Variants in NDFIP2 observed in about 807,000 individuals in gnomAD.
NDFIP2 encodes the protein Nedd4 family interacting protein 2, also known as NEDD4 family-interacting protein 2.
In NDFIP2, 19 loss-of-function variants were observed where a neutral mutation model predicts 36.0. The observed-to-expected ratio is 0.53, with a 90% CI of 0.37 to 0.77. The LOEUF (loss-of-function observed/expected upper bound fraction) is 0.77. Ranked by LOEUF, NDFIP2 falls within the 30% of genes least tolerant of loss-of-function variation. The pLI, the probability that NDFIP2 is intolerant of heterozygous loss-of-function variation, is 0.00. For synonymous variants in NDFIP2, 181 were observed against 167.7 expected (o/e 1.08, Z -0.61); for missense variants, 446 against 435.8 (o/e 1.02, Z -0.21).
intron 1 of NDFIP2, among the ~76,000 whole-genome samples, chr13:79,493,169 T>C (rs1873309573): frequency 6.6e-6 from 1 of 152,216 alleles, no homozygotes; most frequent in Admixed American, 6.5e-5. Flanking sequence ...GGTCCTGTTA[T>C]AGGTGCAAAA....
At chr13:79,510,971 C>G (rs1184335360) in intron 1 of NDFIP2, among the ~76,000 whole-genome samples, 1 of 144,914 alleles carries the variant, frequency 6.9e-6, no homozygotes, top group South Asian at 2.2e-4. Flanking sequence ...TTCACTCAAG[C>G]CTGGGTGACA....
At chr13:79,521,899 A>G (rs1198132753) in intron 2 of NDFIP2, among the ~76,000 whole-genome samples, 2 of 143,548 alleles carry the variant, frequency 1.4e-5, no homozygotes, top group Admixed American at 7.5e-5. Context: ...ATCTCGGCTC[A>G]CTGCAAGCTC....
chr13:79,490,667 G>A (rs756812873), intron 1 of NDFIP2, among the ~76,000 whole-genome samples: 3 of 152,108 alleles, frequency 2.0e-5, no homozygotes, highest in Non-Finnish European at 4.4e-5. Flanking sequence ...GCTTGCTCTA[G>A]TTTGCCCACC....
chr13:79,500,420 T>C (rs1418251127), intron 1 of NDFIP2, among the ~76,000 whole-genome samples: 1 of 152,006 alleles, frequency 6.6e-6, no homozygotes, highest in Non-Finnish European at 1.5e-5. Context: ...AGTCACAGCC[T>C]GGGAGAAAAT....
rs770898625 is a variant in NDFIP2, at chr13:79,540,629, CTTAT to C, written c.715+858_715+861del. ...GATCATAAAACCGAGAAATAATTTA[CTTAT>C]TTAAAGTGCCACATTCAGCTTTAAA... On this transcript the variant is annotated intron_variant, in intron 4 of 7. Coordinates refer to ENST00000218652, the MANE Select transcript of NDFIP2 (RefSeq NM_019080.3). Among the ~76,000 whole-genome samples, 11 of 152,200 alleles carry C rather than the reference CTTAT, an allele frequency of 7.2e-5. 1 individual carries two copies. The South Asian group carries it at 1.7e-3, about 23-fold the overall frequency.
At chr13:79,505,460 G>A (rs1873824675) in intron 1 of NDFIP2, among the ~76,000 whole-genome samples, 1 of 151,810 alleles carries the variant, frequency 6.6e-6, no homozygotes, top group Non-Finnish European at 1.5e-5. Flanking sequence ...CAAGACTTCA[G>A]CTCTACAAAA....
chr13:79,526,986 T>C (rs1413628631), intron 2 of NDFIP2, among the ~76,000 whole-genome samples: 1 of 152,206 alleles, frequency 6.6e-6, no homozygotes, highest in Non-Finnish European at 1.5e-5. Flanking sequence ...ATGTATCTAA[T>C]TCTAAAGTCC....
intron 1 of NDFIP2, among the ~76,000 whole-genome samples, chr13:79,487,039 A>C (rs1247017493): frequency 6.6e-6 from 1 of 152,158 alleles, no homozygotes; most frequent in Non-Finnish European, 1.5e-5. Flanking sequence ...ATAGGCTCTA[A>C]CTTCAAATAA....
intron 1 of NDFIP2, among the ~76,000 whole-genome samples, chr13:79,511,680 A>G (rs1466894788): frequency 1.3e-5 from 2 of 152,204 alleles, no homozygotes; most frequent in Non-Finnish European, 2.9e-5. Flanking sequence ...AGAGGACAGT[A>G]TATTTAATAT....
chr13:79,500,398 A>G (rs548715938), intron 1 of NDFIP2, among the ~76,000 whole-genome samples: 2 of 152,058 alleles, frequency 1.3e-5, no homozygotes, highest in Non-Finnish European at 2.9e-5. Context: ...AGATACTGCC[A>G]AGAAAATAAA....
intron 1 of NDFIP2, among the ~76,000 whole-genome samples, chr13:79,482,173 T>C (rs7332319): frequency 0.069 from 2,898 of 41,848 alleles, 25 homozygotes; most frequent in Admixed American, 0.18. Flanking sequence ...TTCTTTCTTT[T>C]TTTTTTTTTT....
In NDFIP2 at chr13:79,497,159, A is replaced by G. The variant is rs189312154; in HGVS notation, c.321+15635A>G. On this transcript the variant is annotated intron_variant, in intron 1 of 7. Transcript: ENST00000218652. ...GGTTGTTTTGTTTTAGCAGGCAATC[A>G]ACTCCCATAGATTCAGATTGTAAGC... Among the ~76,000 whole-genome samples, 619 of 152,074 alleles carry G rather than the reference A, an allele frequency of 4.1e-3. 7 individuals are homozygous for G. Among genetic ancestry groups the G allele is most frequent in the African/African-American group, 0.014 (595 of 41,534 alleles).
At chr13:79,522,607 G>T (rs570269699) in intron 2 of NDFIP2, among the ~76,000 whole-genome samples, 25 of 152,274 alleles carry the variant, frequency 1.6e-4, no homozygotes, top group African/African-American at 5.8e-4. Context: ...GTCTGATGGT[G>T]GCTGGGGTTG....
At chr13:79,542,739 T>C (rs922795617) in intron 4 of NDFIP2, among the ~76,000 whole-genome samples, 2 of 152,176 alleles carry the variant, frequency 1.3e-5, no homozygotes, top group African/African-American at 4.8e-5. Context: ...CACAAAAAGC[T>C]GTTTTTTATA....
chr13:79,527,083 T>G (rs923662888), intron 2 of NDFIP2, among the ~76,000 whole-genome samples: 1 of 152,046 alleles, frequency 6.6e-6, no homozygotes, highest in Admixed American at 6.6e-5. Context: ...TTCTTTGGAG[T>G]GTTACAAATA....
chr13:79,526,772 AGCACTTACTGT>A (rs1450650507), intron 2 of NDFIP2, among the ~76,000 whole-genome samples: 2 of 152,192 alleles, frequency 1.3e-5, no homozygotes, highest in Admixed American at 1.3e-4. Flanking sequence ...GATTATACCT[AGCACTTACTGT>A]GTGCTTACTG....
intron 2 of NDFIP2, among the ~76,000 whole-genome samples, chr13:79,527,827 A>G (rs979391601): frequency 6.6e-6 from 1 of 152,208 alleles, no homozygotes; most frequent in African/African-American, 2.4e-5. Context: ...GGCATTTGTT[A>G]TCATAGGAGA....
chr13:79,512,405 C>T (rs764049700), intron 1 of NDFIP2, among the ~76,000 whole-genome samples: 1 of 151,966 alleles, frequency 6.6e-6, no homozygotes, highest in Non-Finnish European at 1.5e-5. Context: ...GCCGTTGCTG[C>T]CTATGGATGC....
chr13:79,528,340 A>C (rs1355697662), intron 2 of NDFIP2, among the ~76,000 whole-genome samples: 1 of 152,212 alleles, frequency 6.6e-6, no homozygotes, highest in Non-Finnish European at 1.5e-5. Context: ...TGTACACTGT[A>C]CAATGTGTTT....
Sources: gnomAD v4.1 joint callset for allele counts (sites outside exome capture counted in the v4.1 genomes callset) on GRCh38, gnomAD v4.1.1 for gene constraint, MANE v1.5 for transcripts, NCBI Gene and HGNC (gene_info 2026-07-23, HGNC 2026-07-21) for gene names.